PDCD10: variants seen among roughly 807,000 people sequenced by gnomAD.
PDCD10 encodes programmed cell death protein 10.
In PDCD10, 4 loss-of-function variants were observed where a neutral mutation model predicts 29.2. The ratio of observed to expected loss-of-function variants is 0.14; its 90% CI spans 0.07 to 0.31. The LOEUF (loss-of-function observed/expected upper bound fraction) is 0.31. PDCD10 is among the 10% of genes least tolerant of loss of function. PDCD10 has a pLI of 1.00. For synonymous variants in PDCD10, 70 were observed against 82.2 expected (o/e 0.85, Z 0.80); for missense variants, 183 against 257.9 (o/e 0.71, Z 1.99).
intron 4 of PDCD10, among the ~76,000 whole-genome samples, chr3:167,702,308 G>T (rs183437659): frequency 1.3e-5 from 2 of 152,154 alleles, no homozygotes; most frequent in East Asian, 3.9e-4. Context: ...AAAACGACAA[G>T]GATGCAGACC....
chr3:167,703,068 AC>A (rs1422471592), intron 4 of PDCD10, among the ~76,000 whole-genome samples: 1 of 152,170 alleles, frequency 6.6e-6, no homozygotes, highest in Non-Finnish European at 1.5e-5. Flanking sequence ...CATTGAAGAT[AC>A]TATCTACTCC....
At chr3:167,696,889 A>G in intron 5 of PDCD10, 120 bp downstream of exon 5, 1 of 743,098 alleles carries the variant, frequency 1.3e-6, no homozygotes, top group Non-Finnish European at 2.5e-6. Context: ...TCATCATCAT[A>G]AGTGAAAGGG....
At chr3:167,686,843 T>A (rs970196493) in intron 8 of PDCD10, among the ~76,000 whole-genome samples, 6 of 152,230 alleles carry the variant, frequency 3.9e-5, no homozygotes, top group Admixed American at 6.5e-5. Context: ...GAATATTATA[T>A]GACAGGTAAA....
chr3:167,726,146 A>T, intron 2 of PDCD10, among the ~76,000 whole-genome samples: 1 of 109,178 alleles, frequency 9.2e-6, no homozygotes, highest in African/African-American at 3.8e-5. Context: ...TTTGAGACAG[A>T]GTTTCACTCT....
chr3:167,712,392 C>T (rs1722607465), intron 3 of PDCD10, among the ~76,000 whole-genome samples: 1 of 151,850 alleles, frequency 6.6e-6, no homozygotes, highest in Non-Finnish European at 1.5e-5. Context: ...GATAAGCTGA[C>T]ATCAGTTTGA....
chr3:167,711,293 T>C (rs1173199679), intron 3 of PDCD10, among the ~76,000 whole-genome samples: 1 of 152,100 alleles, frequency 6.6e-6, no homozygotes, highest in Non-Finnish European at 1.5e-5. Flanking sequence ...AGAGAAAGAA[T>C]TCAGAATCCT....
At chr3:167,690,928 A>G (rs963131775) in intron 6 of PDCD10, among the ~76,000 whole-genome samples, 3 of 152,196 alleles carry the variant, frequency 2.0e-5, no homozygotes, top group Non-Finnish European at 2.9e-5. Context: ...AATATATTCA[A>G]AATTGCCTGA....
At chr3:167,698,045 C>T (rs1163801159) in intron 4 of PDCD10, 1 of 455,094 alleles carries the variant, frequency 2.2e-6, no homozygotes, top group African/African-American at 2.0e-5. Flanking sequence ...TTTTTGTTTC[C>T]TTATGTGTCA....
Position 167,683,867 on chromosome 3 carries a change from A to G in PDCD10, c.*441T>C, listed in dbSNP as rs1003312336. 1 of 152,532 alleles carries G rather than the reference A, an allele frequency of 6.6e-6. No homozygotes were observed. Among genetic ancestry groups the G allele is most frequent in the Non-Finnish European group, 1.4e-5 (1 of 69,726 alleles). 9.4% of individuals were successfully genotyped at this position (152,532 alleles called of 1,614,324 possible). Reference sequence around the variant, plus strand: ...TATATATATATATATATATATATATACACACATATATATATGCATTTTTTC... The same window carrying G: ...TATATATATATATATATATATATATGCACACATATATATATGCATTTTTTC... On this transcript the variant is annotated 3_prime_UTR_variant, in exon 9 of 9. Transcript: ENST00000392750.
chr3:167,731,759 T>G (rs1724837781), intron 2 of PDCD10, among the ~76,000 whole-genome samples: 1 of 152,216 alleles, frequency 6.6e-6, no homozygotes, highest in Non-Finnish European at 1.5e-5. Flanking sequence ...ATTAAGTTTC[T>G]ATTATGATGA....
chr3:167,732,350 C>T (rs748546354), intron 2 of PDCD10, among the ~76,000 whole-genome samples: 30 of 152,126 alleles, frequency 2.0e-4, no homozygotes, highest in Non-Finnish European at 3.5e-4. Flanking sequence ...GTATAATATA[C>T]GGAAGACATC....
chr3:167,732,360 C>A lies in PDCD10; in HGVS notation c.-117+1854G>T, dbSNP rs966100982. Among the ~76,000 whole-genome samples, 12 of 152,236 alleles carry A rather than the reference C, an allele frequency of 7.9e-5. No individual in the cohort carries two copies. The South Asian group carries it at 1.0e-3, about 13-fold the overall frequency. On this transcript the variant is annotated intron_variant, in intron 2 of 8. Coordinates refer to ENST00000392750, the MANE Select transcript of PDCD10 (RefSeq NM_007217.4). ...CAGATGTATAATATACGGAAGACAT[C>A]CCAAGTCCTCTAAGAAATAATGTCC... is the stretch of plus-strand genomic sequence containing the variant.
At chr3:167,701,242 T>C (rs1339305260) in intron 4 of PDCD10, among the ~76,000 whole-genome samples, 2 of 152,100 alleles carry the variant, frequency 1.3e-5, no homozygotes, top group Non-Finnish European at 2.9e-5. Flanking sequence ...TCTATATATA[T>C]CTATAGAGAT....
At chr3:167,714,987 A>G (rs1324396534) in intron 3 of PDCD10, among the ~76,000 whole-genome samples, 1 of 151,678 alleles carries the variant, frequency 6.6e-6, no homozygotes, top group Non-Finnish European at 1.5e-5. Flanking sequence ...AAAAAGAATG[A>G]AACTGGAAGA....
chr3:167,707,271 A>G (rs1722068542), intron 3 of PDCD10, among the ~76,000 whole-genome samples: 1 of 152,228 alleles, frequency 6.6e-6, no homozygotes, highest in South Asian at 2.1e-4. Context: ...ATGGAATGTA[A>G]TGATTTCATG....
In PDCD10 at chr3:167,720,468, A is replaced by G. The variant is rs552610997; in HGVS notation, c.-116-195T>C. On this transcript the variant is annotated intron_variant, in intron 2 of 8. Transcript: ENST00000392750. ...AAAGACTCAACAACTGCCCTTTCCT[A>G]AAGTCCTTGGTTAGGTACTACTTCA... Among the ~76,000 whole-genome samples the G allele has an allele frequency of 2.6e-5, 4 of 152,200 alleles. No individual in the cohort carries two copies. In the South Asian group the frequency reaches 8.3e-4, roughly 32 times the overall value.
At chr3:167,729,985 G>C (rs1379485622) in intron 2 of PDCD10, among the ~76,000 whole-genome samples, 1 of 152,002 alleles carries the variant, frequency 6.6e-6, no homozygotes, top group East Asian at 1.9e-4. Context: ...AATCACTTTT[G>C]GGTGATTTTA....
At chr3:167,726,293 T>A (rs1724171769) in intron 2 of PDCD10, among the ~76,000 whole-genome samples, 1 of 152,030 alleles carries the variant, frequency 6.6e-6, no homozygotes, top group Non-Finnish European at 1.5e-5. Context: ...AGATGGGGGT[T>A]TCACCATGTT....
At chr3:167,685,401 A>T in intron 8 of PDCD10, among the ~76,000 whole-genome samples, 1 of 149,526 alleles carries the variant, frequency 6.7e-6, no homozygotes, top group South Asian at 2.1e-4. Flanking sequence ...GTCTCCAAAA[A>T]AAAAAAAAAA....
Sources: gnomAD v4.1 joint callset for allele counts (sites outside exome capture counted in the v4.1 genomes callset) on GRCh38, gnomAD v4.1.1 for gene constraint, MANE v1.5 for transcripts, NCBI Gene and HGNC (gene_info 2026-07-23, HGNC 2026-07-21) for gene names.